The following KCTD16 variants were observed in gnomAD, a reference collection of about 807,000 sequenced individuals.
KCTD16 encodes the protein BTB/POZ domain-containing protein KCTD16.
Under a neutral mutation model 33.2 loss-of-function variants are expected in KCTD16, and 13 were observed. The observed-to-expected ratio is 0.39, with a 90% CI of 0.25 to 0.62. KCTD16 has a LOEUF of 0.62. Among genes scored for constraint, KCTD16 ranks in the 20% least tolerant of loss-of-function variants. KCTD16 has a pLI of 0.50. For synonymous variants in KCTD16, 197 were observed against 195.3 expected (o/e 1.01, Z -0.07); for missense variants, 441 against 525.1 (o/e 0.84, Z 1.57).
intron 2 of KCTD16, among the ~76,000 whole-genome samples, chr5:144,181,051 G>C (rs1383477024): frequency 6.6e-6 from 1 of 151,732 alleles, no homozygotes; most frequent in Non-Finnish European, 1.5e-5. Flanking sequence ...TCCTGCCTCA[G>C]CCTCCCGAGT....
intron 3 of KCTD16, among the ~76,000 whole-genome samples, chr5:144,231,092 A>G (rs1028533367): frequency 2.6e-5 from 4 of 152,226 alleles, no homozygotes; most frequent in African/African-American, 9.6e-5. Flanking sequence ...GTAGACACCT[A>G]GTAACCACAG....
chr5:144,435,723 C>T (rs1753560490), intron 3 of KCTD16, among the ~76,000 whole-genome samples: 1 of 152,024 alleles, frequency 6.6e-6, no homozygotes, highest in Admixed American at 6.6e-5. Context: ...TAGTATCAGA[C>T]AATTTCCTTC....
intron 3 of KCTD16, among the ~76,000 whole-genome samples, chr5:144,290,042 A>G (rs1755850836): frequency 6.6e-6 from 1 of 152,198 alleles, no homozygotes; most frequent in Non-Finnish European, 1.5e-5. Flanking sequence ...GCACTTTGGG[A>G]GGCCAAGGCG....
intron 2 of KCTD16, among the ~76,000 whole-genome samples, chr5:144,177,782 G>A (rs1752537836): frequency 6.6e-6 from 1 of 152,172 alleles, no homozygotes; most frequent in African/African-American, 2.4e-5. Flanking sequence ...TGTCCTGGGA[G>A]TAAGGACTTC....
chr5:144,244,045 C>A (rs1390137330), intron 3 of KCTD16, among the ~76,000 whole-genome samples: 5 of 152,066 alleles, frequency 3.3e-5, no homozygotes, highest in Non-Finnish European at 7.4e-5. Context: ...GTCCAGCCCC[C>A]CATGAATACT....
intron 3 of KCTD16, among the ~76,000 whole-genome samples, chr5:144,232,358 T>G (rs576654484): frequency 6.6e-5 from 10 of 152,334 alleles, no homozygotes; most frequent in Non-Finnish European, 1.2e-4. Flanking sequence ...ATAGTTAATA[T>G]TTTTTGAGCA....
At chr5:144,442,647 G>A (rs1017643841) in intron 3 of KCTD16, among the ~76,000 whole-genome samples, 1 of 148,900 alleles carries the variant, frequency 6.7e-6, no homozygotes, top group African/African-American at 2.5e-5. Flanking sequence ...AATTCTGCTT[G>A]TTTTGGAGTT....
At chr5:144,268,659 C>G (rs1402747034) in intron 3 of KCTD16, among the ~76,000 whole-genome samples, 3 of 152,044 alleles carry the variant, frequency 2.0e-5, no homozygotes, top group African/African-American at 7.2e-5. Flanking sequence ...ATTCAAATGT[C>G]CACTTTTCCA....
chr5:144,179,659 A>G (rs1752577577), intron 2 of KCTD16, among the ~76,000 whole-genome samples: 2 of 152,266 alleles, frequency 1.3e-5, no homozygotes, highest in African/African-American at 2.4e-5. Flanking sequence ...GACTAGTATC[A>G]GATTCACCAT....
intron 3 of KCTD16, among the ~76,000 whole-genome samples, chr5:144,238,549 C>T (rs2126819285): frequency 6.6e-6 from 1 of 152,222 alleles, no homozygotes; most frequent in African/African-American, 2.4e-5. Flanking sequence ...GATAAACTGC[C>T]TTCTCTGGAG....
At chr5:144,410,059 A>G (rs982555126) in intron 3 of KCTD16, among the ~76,000 whole-genome samples, 4 of 152,338 alleles carry the variant, frequency 2.6e-5, no homozygotes, top group East Asian at 1.9e-4. Context: ...AGCATGTACT[A>G]AAGCCTCAAT....
chr5:144,338,483 T>C (rs910225375), intron 3 of KCTD16, among the ~76,000 whole-genome samples: 5 of 152,186 alleles, frequency 3.3e-5, no homozygotes, highest in African/African-American at 9.7e-5. Flanking sequence ...ATATGGATCA[T>C]AGTAGACATT....
At chr5:144,265,700 G>A (rs1054546663) in intron 3 of KCTD16, among the ~76,000 whole-genome samples, 13 of 152,128 alleles carry the variant, frequency 8.5e-5, no homozygotes, top group African/African-American at 2.9e-4. Context: ...TACTATTTAG[G>A]AACATAAATA....
At chr5:144,454,114 A>G (rs995640203) in intron 3 of KCTD16, among the ~76,000 whole-genome samples, 2 of 152,320 alleles carry the variant, frequency 1.3e-5, no homozygotes, top group East Asian at 3.9e-4. Flanking sequence ...ATGAATCAAC[A>G]GTCTTTAAGC....
intron 3 of KCTD16, among the ~76,000 whole-genome samples, chr5:144,315,990 CTT>C (rs397885096): frequency 6.4e-5 from 9 of 141,302 alleles, no homozygotes; most frequent in African/African-American, 1.5e-4. Context: ...TCTTCAAAGC[CTT>C]TTTTTTTTTT....
chr5:144,432,724 C>G (rs1043078452), intron 3 of KCTD16, among the ~76,000 whole-genome samples: 1 of 152,004 alleles, frequency 6.6e-6, no homozygotes, highest in Non-Finnish European at 1.5e-5. Context: ...CTTTCCTCTG[C>G]TAATGTAATT....
At chr5:144,194,342 C>T (rs112822161) in intron 2 of KCTD16, among the ~76,000 whole-genome samples, 13 of 152,258 alleles carry the variant, frequency 8.5e-5, no homozygotes, top group African/African-American at 3.1e-4. Context: ...ACAACACTGC[C>T]GTATGGTGCT....
chr5:144,430,316 T>C (rs1188861319), intron 3 of KCTD16, among the ~76,000 whole-genome samples: 1 of 152,102 alleles, frequency 6.6e-6, no homozygotes, highest in Non-Finnish European at 1.5e-5. Flanking sequence ...CAAATCAAGA[T>C]GGCAGAGAAC....
rs555202937 is a variant in KCTD16 at position 144,445,267 on chromosome 5, T to C, written c.833-28393T>C. Among the ~76,000 whole-genome samples, 228 of 152,148 alleles carry C rather than the reference T, an allele frequency of 1.5e-3. 1 individual carries two copies. The highest frequency in any genetic ancestry group is 5.1e-3 in the African/African-American group (213 of 41,558). On this transcript the variant is annotated intron_variant, in intron 3 of 3. Coordinates refer to ENST00000512467, the MANE Select transcript of KCTD16 (RefSeq NM_020768.4). Reference sequence around the variant, plus strand: ...AATTATTTATCCTTTTACTTATAATTCTTTCATAAACAACTGTCATCTAAA... The same window carrying C: ...AATTATTTATCCTTTTACTTATAATCCTTTCATAAACAACTGTCATCTAAA...
Sources: allele counts gnomAD v4.1 joint callset (sites outside exome capture counted in the v4.1 genomes callset), GRCh38; gene constraint gnomAD v4.1.1; transcripts MANE v1.5; gene names NCBI Gene and HGNC (gene_info 2026-07-23, HGNC 2026-07-21).